F13A1: variants seen among roughly 807,000 people sequenced by gnomAD.
The protein encoded by F13A1 is coagulation factor XIII A chain, also known as FSF, A subunit.
F13A1 carries 47 observed loss-of-function variants against 80.1 expected under a neutral mutation model. The observed-to-expected ratio is 0.59, with a 90% CI of 0.46 to 0.75. The LOEUF (loss-of-function observed/expected upper bound fraction) is 0.75, where lower values mean the gene tolerates loss of function less well. Ranked by LOEUF, F13A1 falls within the 30% of genes least tolerant of loss-of-function variation. F13A1 has a pLI of 0.00. For synonymous variants in F13A1, 349 were observed against 344.9 expected (o/e 1.01, Z -0.13); for missense variants, 817 against 930.4 (o/e 0.88, Z 1.59).
chr6:6,149,118 TAGG>T (rs1225343486), intron 14 of F13A1, among the ~76,000 whole-genome samples: 3 of 152,006 alleles, frequency 2.0e-5, no homozygotes, highest in Admixed American at 6.6e-5. Flanking sequence ...GACAATTAAA[TAGG>T]AGGAATAAGT....
chr6:6,199,414 C>T (rs62408024), intron 8 of F13A1, among the ~76,000 whole-genome samples: 117 of 151,772 alleles, frequency 7.7e-4, no homozygotes, highest in African/African-American at 2.5e-3. Flanking sequence ...GGCGTGAACC[C>T]GGGAGGCGGA....
At position 6,151,891 on chromosome 6, in the gene F13A1, G is replaced by T. The variant is rs1291084317; in HGVS notation, c.1967C>A (p.Pro656His). The T allele has an allele frequency of 6.2e-7, 1 of 1,613,948 alleles. No individual in the cohort carries two copies. The highest frequency in any genetic ancestry group is 1.3e-5 in the African/African-American group (1 of 74,908). The change falls in exon 14 of 15, where the codon CCT (proline) becomes CAT (histidine). Residue 656 changes from proline (P) to histidine (H), a missense_variant. Physicochemically the swap from Pro to His is moderately conservative, Grantham distance 77 (BLOSUM62 -2). Transcript: ENST00000264870. ...GACATTTCGCAGGGTTTCTTTTAAAGGATTGGTAAACTCAACTGTCACAGT... is the reference window on the plus strand; with the variant it reads ...GACATTTCGCAGGGTTTCTTTTAAATGATTGGTAAACTCAACTGTCACAGT... ...DMTVTVEFTN[P>H]LKETLRNVWV... is the part of the protein sequence containing the mutation.
At chr6:6,180,262 G>A (rs554359314) in intron 11 of F13A1, among the ~76,000 whole-genome samples, 8 of 152,232 alleles carry the variant, frequency 5.3e-5, no homozygotes, top group South Asian at 2.1e-4. Flanking sequence ...CTTCCTCCAC[G>A]AGGTCTTCCC....
At chr6:6,286,126 G>A (rs117908092) in intron 3 of F13A1, among the ~76,000 whole-genome samples, 9 of 152,330 alleles carry the variant, frequency 5.9e-5, no homozygotes, top group East Asian at 1.9e-4. Context: ...AGTCAGGTGC[G>A]GTGGCTCATG....
chr6:6,301,365 T>C (rs890191312), intron 3 of F13A1, among the ~76,000 whole-genome samples: 12 of 152,212 alleles, frequency 7.9e-5, no homozygotes, highest in African/African-American at 2.4e-4. Flanking sequence ...TAGTAGAGTG[T>C]GGAATTTTGT....
At chr6:6,311,485 GTGC>G (rs1481946903) in intron 2 of F13A1, among the ~76,000 whole-genome samples, 1 of 149,816 alleles carries the variant, frequency 6.7e-6, no homozygotes, top group Non-Finnish European at 1.5e-5. Flanking sequence ...GAGAAAAAGG[GTGC>G]TGATTAATGC....
chr6:6,206,640 C>A, intron 8 of F13A1: 1 of 468,430 alleles, frequency 2.1e-6, no homozygotes, highest in Non-Finnish European at 4.5e-6. Context: ...GCAGTGATTT[C>A]CAACCTTCAA....
chr6:6,150,982 A>T (rs13195073), intron 14 of F13A1, among the ~76,000 whole-genome samples: 32,278 of 152,118 alleles, frequency 0.21, 3,508 homozygotes, highest in Middle Eastern at 0.28. Flanking sequence ...CATCAGATGG[A>T]AAAGAGATGG....
intron 9 of F13A1, 110 bp from the exon 10 acceptor site, chr6:6,195,995 T>C: frequency 9.9e-7 from 1 of 1,011,914 alleles, no homozygotes; most frequent in South Asian, 1.4e-5. Context: ...TGTTCCCAAC[T>C]TCATTGCTGA....
intron 8 of F13A1, among the ~76,000 whole-genome samples, chr6:6,219,758 CT>C (rs951825110): frequency 6.6e-6 from 1 of 152,186 alleles, no homozygotes; most frequent in African/African-American, 2.4e-5. Flanking sequence ...CAAGTGTCTG[CT>C]TTTTCTTTAA....
chr6:6,220,017 G>T lies in F13A1; in HGVS notation c.1112+2016C>A, dbSNP rs140390132. On this transcript the variant is annotated intron_variant, in intron 8 of 14. Coordinates refer to ENST00000264870, the MANE Select transcript of F13A1 (RefSeq NM_000129.4). ...TTAGAGGAGAAAAGAGGCACAGAGA[G>T]GTTGTGCCTTGCCCAAAGTCACACA... Among the ~76,000 whole-genome samples, 728 of 152,320 alleles carry T rather than the reference G, an allele frequency of 4.8e-3. 3 individuals carry two copies. Among genetic ancestry groups the T allele is most frequent in the Non-Finnish European group, 8.2e-3 (559 of 68,032 alleles).
At chr6:6,269,234 C>A (rs1561673998) in intron 3 of F13A1, among the ~76,000 whole-genome samples, 1 of 152,128 alleles carries the variant, frequency 6.6e-6, no homozygotes, top group East Asian at 1.9e-4. Context: ...GCTTCTTCTA[C>A]AAAATGGAGA....
At chr6:6,231,955 A>G (rs1757358575) in intron 6 of F13A1, among the ~76,000 whole-genome samples, 1 of 152,228 alleles carries the variant, frequency 6.6e-6, no homozygotes, top group Admixed American at 6.5e-5. Flanking sequence ...AATCCTGGAA[A>G]CACATCAAAA....
At chr6:6,165,601 T>A (rs922866) in intron 13 of F13A1, among the ~76,000 whole-genome samples, 1 of 151,942 alleles carries the variant, frequency 6.6e-6, no homozygotes, top group Non-Finnish European at 1.5e-5. Context: ...ACCTGCGCAA[T>A]AGCCCAGAAG....
chr6:6,300,034 G>T (rs1017686287), intron 3 of F13A1, among the ~76,000 whole-genome samples: 10 of 147,166 alleles, frequency 6.8e-5, no homozygotes, highest in Non-Finnish European at 1.2e-4. Context: ...TGCCCCTGCT[G>T]GGGGGTGCCT....
chr6:6,174,128 G>A (rs917627549), intron 12 of F13A1, among the ~76,000 whole-genome samples: 1 of 151,776 alleles, frequency 6.6e-6, no homozygotes, highest in African/African-American at 2.4e-5. Context: ...GGTGGCTGAC[G>A]CCTATAATTC....
At position 6,174,702 on chromosome 6, in the gene F13A1, T is replaced by C. The variant is rs760408760; in HGVS notation, c.1625A>G (p.Asn542Ser). 1.7e-5 allele frequency: 27 copies of C among 1,614,182 alleles called. No homozygotes were observed. In the South Asian group the frequency reaches 2.9e-4, roughly 17 times the overall value. The change falls in exon 12 of 15, where the codon AAC becomes AGC. Residue 542 changes from asparagine (N) to serine (S), a missense_variant. Asn to Ser is a conservative substitution (Grantham distance 46, BLOSUM62 1). Transcript: ENST00000264870. ...KDFKLSITFRNNSHNRYTITA... is the reference protein window; with the variant it reads ...KDFKLSITFRSNSHNRYTITA... The stretch of plus-strand genomic sequence containing the variant: ...GATGGTGTAACGGTTGTGGCTGTTG[T>C]TCCGGAAGGTGATGGAGAGCTTGAA...
chr6:6,218,750 C>A (rs144333521), intron 8 of F13A1, among the ~76,000 whole-genome samples: 1 of 152,168 alleles, frequency 6.6e-6, no homozygotes. Flanking sequence ...CGGTGGCAAA[C>A]CAGGAAGCAG....
In F13A1 at chr6:6,151,907, C is replaced by T. The variant is rs5987; in HGVS notation, c.1951G>A (p.Val651Ile). Residue 651 changes from valine to isoleucine, a missense_variant, in exon 14 of 15, where the codon GTT (valine) becomes ATT (isoleucine). Val to Ile is a conservative substitution (Grantham distance 29). Coordinates refer to ENST00000264870, the MANE Select transcript of F13A1 (RefSeq NM_000129.4). ...QVVGSDMTVT[V>I]EFTNPLKETL... ...TCTTTTAAAGGATTGGTAAACTCAA[C>T]TGTCACAGTCATGTCAGAACCAACT... is the stretch of plus-strand genomic sequence containing the variant. 0.06 allele frequency: 96,897 copies of T among 1,613,824 alleles called. 3,289 individuals are homozygous for T. Among genetic ancestry groups the T allele is most frequent in the South Asian group, 0.12 (10,563 of 91,068 alleles).
Sources: gnomAD v4.1 joint callset for allele counts (sites outside exome capture counted in the v4.1 genomes callset) on GRCh38, gnomAD v4.1.1 for gene constraint, MANE v1.5 for transcripts, NCBI Gene and HGNC (gene_info 2026-07-23, HGNC 2026-07-21) for gene names.